Variants in ZNF124 observed in about 807,000 individuals in gnomAD.
The protein encoded by ZNF124 is zinc finger protein 124.
Under a neutral mutation model 26.6 loss-of-function variants are expected in ZNF124, and 25 were observed. The observed-to-expected ratio is 0.94, with a 90% CI of 0.68 to 1.31. The LOEUF is 1.31. Among genes scored for constraint, ZNF124 ranks in the 40% most tolerant of loss-of-function variants. The pLI, the probability that ZNF124 is intolerant of heterozygous loss-of-function variation, is 0.00. For synonymous variants in ZNF124, 129 were observed against 133.3 expected (o/e 0.97, Z 0.22); for missense variants, 444 against 422.2 (o/e 1.05, Z -0.45).
intron 3 of ZNF124, among the ~76,000 whole-genome samples, chr1:247,145,347 A>C (rs1672734815): frequency 6.6e-6 from 1 of 152,182 alleles, no homozygotes; most frequent in South Asian, 2.1e-4. Flanking sequence ...GACAGAGATT[A>C]GTTTCAAGGG....
chr1:247,157,709 C>T (rs1032467809), intron 3 of ZNF124, among the ~76,000 whole-genome samples: 1 of 152,134 alleles, frequency 6.6e-6, no homozygotes, highest in Non-Finnish European at 1.5e-5. Context: ...GATTAGTCTA[C>T]AACATGGCTC....
chr1:247,151,010 G>A (rs933752105), downstream of ZNF124, among the ~76,000 whole-genome samples: 1 of 151,980 alleles, frequency 6.6e-6, no homozygotes, highest in Non-Finnish European at 1.5e-5. Context: ...CATAAATCAA[G>A]AAGAAAAAGA....
chr1:247,156,450 T>C lies in ZNF124; in HGVS notation c.*116A>G. The stretch of plus-strand genomic sequence containing the variant: ...GGGTTTATCTCCAGTTTGATTCGTT[T>C]CATGTATTTGAGGAAATCTGGGAAA... On this transcript the variant is annotated 3_prime_UTR_variant, in exon 4 of 4. Coordinates refer to ENST00000543802, the MANE Select transcript of ZNF124 (RefSeq NM_001297568.2). 1 of 1,348,178 alleles carries C rather than the reference T, an allele frequency of 7.4e-7. No individual in the cohort carries two copies. Among genetic ancestry groups the C allele is most frequent in the Non-Finnish European group, 9.5e-7 (1 of 1,049,384 alleles). The allele number at this position is 1,348,178 out of a possible 1,614,324, so 83.5% of individuals were successfully genotyped here. A position where few individuals can be genotyped will look rare whatever the true frequency, so the allele number is the denominator to read the frequency against.
chr1:247,169,250 T>C (rs1673955891), intron 1 of ZNF124, among the ~76,000 whole-genome samples: 1 of 152,032 alleles, frequency 6.6e-6, no homozygotes. Context: ...AGTAAGACCA[T>C]CTCTCAAGCA....
Position 247,168,861 on chromosome 1 carries a change from G to A in ZNF124, c.30+2987C>T, listed in dbSNP as rs1289670486. On this transcript the variant is annotated intron_variant, in intron 1 of 3. Coordinates refer to ENST00000543802, the MANE Select transcript of ZNF124 (RefSeq NM_001297568.2). The surrounding 1 kb of genome is among the most constrained non-coding windows in gnomAD (Gnocchi z 4.0). ...GGACCTTGGTGATTTGGGGGCAAGGGTGGGAGGGGGTGAGACTGCATATTG... is the reference window on the plus strand; with the variant it reads ...GGACCTTGGTGATTTGGGGGCAAGGATGGGAGGGGGTGAGACTGCATATTG... Among the ~76,000 whole-genome samples the A allele has an allele frequency of 1.3e-5, 2 of 151,994 alleles. No homozygotes were observed. The highest frequency in any genetic ancestry group is 1.3e-4 in the Admixed American group (2 of 15,270).
intron 3 of ZNF124, among the ~76,000 whole-genome samples, chr1:247,130,641 T>C (rs1301657851): frequency 6.6e-6 from 1 of 152,246 alleles, no homozygotes; most frequent in Non-Finnish European, 1.5e-5. Context: ...ATGACTTGTT[T>C]ATTGTATGAA....
chr1:247,122,314 G>A (rs1672101322), exon 4 of ZNF124: 1 of 152,170 alleles, frequency 6.6e-6, no homozygotes, highest in Non-Finnish European at 1.5e-5. Context: ...GATTTATGGA[G>A]AATGACACAT....
chr1:247,164,265 A>G (rs974885135), intron 1 of ZNF124, among the ~76,000 whole-genome samples: 1 of 152,100 alleles, frequency 6.6e-6, no homozygotes, highest in African/African-American at 2.4e-5. Context: ...TACCACTCCT[A>G]TTAACATACT....
At chr1:247,151,619 G>A (rs1572075616), downstream of ZNF124, among the ~76,000 whole-genome samples, 1 of 152,080 alleles carries the variant, frequency 6.6e-6, no homozygotes, top group Non-Finnish European at 1.5e-5. Context: ...CAGCTGAAGA[G>A]ACGTAAACAT....
intron 3 of ZNF124, among the ~76,000 whole-genome samples, chr1:247,134,519 A>G (rs566607159): frequency 1.3e-5 from 2 of 152,358 alleles, no homozygotes; most frequent in Non-Finnish European, 2.9e-5. Flanking sequence ...AGGGCACTGC[A>G]TAATGGTAAA....
At chr1:247,133,304 C>A (rs1005285841) in intron 3 of ZNF124, among the ~76,000 whole-genome samples, 40 of 152,076 alleles carry the variant, frequency 2.6e-4, no homozygotes, top group African/African-American at 9.4e-4. Flanking sequence ...AAAGACTGAA[C>A]TTATGATTGA....
At position 247,131,803 on chromosome 1, in the gene ZNF124, G is replaced by A. The variant is rs1002778603; in HGVS notation, c.219-7932C>T. Among the ~76,000 whole-genome samples, 4 of 152,204 alleles carry A rather than the reference G, an allele frequency of 2.6e-5. No homozygotes were observed. The East Asian group carries it at 7.7e-4, about 29-fold the overall frequency. ...CCCTAGGCCTGAGCCCCTAGGGGGA[G>A]GGGTGGCCGCAGTCTCTGCTGACCA... On this transcript the variant is annotated intron_variant, in intron 3 of 3. Coordinates refer to the ZNF124 transcript ENST00000472531.
chr1:247,157,065 G>C lies in ZNF124; in HGVS notation c.557C>G (p.Ala186Gly). The C allele has an allele frequency of 6.2e-7, 1 of 1,614,014 alleles. No homozygotes were observed. The change falls in exon 4 of 4, where the codon GCC becomes GGC. Residue 186 changes from alanine (A) to glycine (G), a missense_variant. Ala to Gly is a moderately conservative substitution (Grantham distance 60, BLOSUM62 0). Coordinates refer to ENST00000543802, the MANE Select transcript of ZNF124 (RefSeq NM_001297568.2). ...ACGAAGGTGACTGGAACGACTGAAG[G>C]CTTTCCCACATTGCTTACATTCATA... is the stretch of plus-strand genomic sequence containing the variant. The part of the protein sequence containing the change: ...KRYECKQCGK[A>G]FSRSSHLRDH...
intron 3 of ZNF124, among the ~76,000 whole-genome samples, chr1:247,132,738 G>A (rs1035752904): frequency 2.6e-5 from 4 of 152,166 alleles, no homozygotes; most frequent in African/African-American, 9.7e-5. Flanking sequence ...TCTAGACATT[G>A]CATAGAAAAG....
At chr1:247,163,708 TAAG>T (rs1025056803) in intron 1 of ZNF124, among the ~76,000 whole-genome samples, 10 of 152,134 alleles carry the variant, frequency 6.6e-5, no homozygotes, top group Non-Finnish European at 2.9e-5. Context: ...CCAGATGTAT[TAAG>T]AAGAGCTGGT....
chr1:247,159,773 T>TG lies in ZNF124; in HGVS notation c.70dup (p.Gln24ProfsTer16). ...AGGATCCAACAAAGCCCACTCCTCC[T>TG]GGGTGAAGTTCACAGCCACATCCTC... On this transcript the variant is annotated frameshift_variant, in exon 2 of 4. Transcript: ENST00000543802. LOFTEE classifies it high-confidence loss of function. The TG allele has an allele frequency of 1.2e-6, 2 of 1,613,864 alleles. No homozygotes were observed. Among genetic ancestry groups the TG allele is most frequent in the South Asian group, 2.2e-5 (2 of 91,056 alleles).
chr1:247,154,727 A>G (rs1357964958), downstream of ZNF124, among the ~76,000 whole-genome samples: 1 of 152,184 alleles, frequency 6.6e-6, no homozygotes, highest in Admixed American at 6.5e-5. Flanking sequence ...GGCTGGGCAC[A>G]GTGGCTCACA....
chr1:247,144,768 T>C (rs1672718634), intron 3 of ZNF124, among the ~76,000 whole-genome samples: 1 of 145,968 alleles, frequency 6.9e-6, no homozygotes, highest in African/African-American at 2.7e-5. Flanking sequence ...GAAGATTATC[T>C]TTTCTTTCTT....
intron 1 of ZNF124, among the ~76,000 whole-genome samples, chr1:247,163,312 AAG>A (rs1553335495): frequency 5.0e-5 from 6 of 119,798 alleles, no homozygotes; most frequent in African/African-American, 2.2e-4. Flanking sequence ...AGATAAATTG[AAG>A]AGAGAGAGAA....
Sources: gnomAD v4.1 joint callset for allele counts (sites outside exome capture counted in the v4.1 genomes callset) on GRCh38, gnomAD v4.1.1 for gene constraint, Gnocchi (gnomAD v3.1) non-coding constraint, MANE v1.5 for transcripts, NCBI Gene and HGNC (gene_info 2026-07-23, HGNC 2026-07-21) for gene names.